The following TGFA variants were observed in gnomAD, a reference collection of about 807,000 sequenced individuals.
The protein encoded by TGFA is protransforming growth factor alpha.
TGFA carries 12 observed loss-of-function variants against 21.7 expected under a neutral mutation model. That is an observed-to-expected ratio of 0.55 (90% CI 0.35 to 0.90). TGFA has a LOEUF of 0.90. Among genes scored for constraint, TGFA ranks in the 40% least tolerant of loss-of-function variants. The probability of loss-of-function intolerance (pLI) is 0.01; values close to 1 mark genes in which losing one functional copy is unlikely to be tolerated. For missense variants in TGFA, 178 were observed against 210.8 expected, an observed-to-expected ratio of 0.84 and a Z score of 0.96; for synonymous variants, 79 against 88.1, an observed-to-expected ratio of 0.90 and a Z score of 0.58.
chr2:70,504,433 A>AAAATAT (rs1256159851), intron 2 of TGFA, among the ~76,000 whole-genome samples: 1 of 62,444 alleles, frequency 1.6e-5, no homozygotes, highest in Non-Finnish European at 3.2e-5. Context: ...AAACAAAACA[A>AAAATAT]ATATATATAT....
chr2:70,511,311 T>C (rs1672092638), intron 2 of TGFA, among the ~76,000 whole-genome samples: 1 of 152,228 alleles, frequency 6.6e-6, no homozygotes, highest in South Asian at 2.1e-4. Flanking sequence ...TGGGGATGGT[T>C]TCACACCATT....
At chr2:70,519,628 A>T (rs1672388963) in intron 1 of TGFA, among the ~76,000 whole-genome samples, 2 of 152,250 alleles carry the variant, frequency 1.3e-5, no homozygotes, top group African/African-American at 4.8e-5. Context: ...AAAAGTAGCC[A>T]TGTGGCATCT....
intron 3 of TGFA, 41 bp from the exon 4 acceptor site, chr2:70,456,529 G>A (rs1282674929): frequency 1.3e-6 from 2 of 1,563,994 alleles, no homozygotes; most frequent in African/African-American, 1.4e-5. Flanking sequence ...CCTGACAAAA[G>A]GTCTTGTTAC....
At position 70,505,375 on chromosome 2, in the gene TGFA, T is replaced by G. The variant is rs965557254; in HGVS notation, c.94+9484A>C. ...ATTTGGTCAGGGGTGCATCTAGGTT[T>G]CTAGAGCCTGTCACTGTGCTGGGCT... On this transcript the variant is annotated intron_variant, in intron 2 of 5. Transcript: ENST00000295400. Among the ~76,000 whole-genome samples, 3 of 152,312 alleles carry G rather than the reference T, an allele frequency of 2.0e-5. No individual in the cohort carries two copies. The East Asian group carries it at 5.8e-4, about 29-fold the overall frequency.
chr2:70,522,583 G>A (rs1432622850), intron 1 of TGFA, among the ~76,000 whole-genome samples: 1 of 152,090 alleles, frequency 6.6e-6, no homozygotes, highest in African/African-American at 2.4e-5. Flanking sequence ...ACAGGTGTGT[G>A]TCATCACACC....
At chr2:70,462,660 T>C (rs1670439435) in intron 3 of TGFA, among the ~76,000 whole-genome samples, 1 of 152,184 alleles carries the variant, frequency 6.6e-6, no homozygotes, top group South Asian at 2.1e-4. Flanking sequence ...GAAATCTCCC[T>C]TCTAAAATGC....
intron 2 of TGFA, among the ~76,000 whole-genome samples, chr2:70,479,236 G>A (rs572596228): frequency 6.6e-5 from 10 of 152,108 alleles, no homozygotes; most frequent in Admixed American, 6.6e-4. Flanking sequence ...TCCAGGAAGG[G>A]CATGTGAAAA....
intron 1 of TGFA, among the ~76,000 whole-genome samples, chr2:70,535,696 G>A (rs782143319): frequency 6.6e-6 from 1 of 152,198 alleles, no homozygotes; most frequent in Non-Finnish European, 1.5e-5. Context: ...ATCCAATTTA[G>A]TTGAAAGGAC....
At chr2:70,524,510 CT>C (rs1553502728) in intron 1 of TGFA, among the ~76,000 whole-genome samples, 6 of 152,256 alleles carry the variant, frequency 3.9e-5, no homozygotes, top group Non-Finnish European at 7.3e-5. Context: ...GCCGAGCCCT[CT>C]CGGGCTGGCT....
chr2:70,530,453 T>A (rs933451617), intron 1 of TGFA, among the ~76,000 whole-genome samples: 2 of 152,170 alleles, frequency 1.3e-5, no homozygotes, highest in African/African-American at 4.8e-5. Context: ...AGAAGAAGAA[T>A]AAGAACACAC....
intron 1 of TGFA, among the ~76,000 whole-genome samples, chr2:70,547,885 A>G (rs1673365543): frequency 6.7e-6 from 1 of 148,960 alleles, no homozygotes; most frequent in South Asian, 2.1e-4. Context: ...ATATCTATAG[A>G]TAGATAGTAT....
At chr2:70,476,523 G>C (rs998296341) in intron 2 of TGFA, among the ~76,000 whole-genome samples, 1 of 152,180 alleles carries the variant, frequency 6.6e-6, no homozygotes, top group Non-Finnish European at 1.5e-5. Flanking sequence ...GTTAGGTAAA[G>C]TGGTTGGCAG....
Position 70,450,728 on chromosome 2 carries a change from T to C in TGFA, c.*131A>G. The C allele has an allele frequency of 9.9e-7, 1 of 1,011,720 alleles. No homozygotes were observed. The highest frequency in any genetic ancestry group is 1.5e-6 in the Non-Finnish European group (1 of 662,778). The allele number at this position is 1,011,720 out of a possible 1,614,324, so 62.7% of individuals were successfully genotyped here. Reference sequence around the variant, plus strand: ...AGAGTTTTGAAGGCCCACAAAAGGCTGCACAGGTGATTACAGGCCAAGTAG... The same window carrying C: ...AGAGTTTTGAAGGCCCACAAAAGGCCGCACAGGTGATTACAGGCCAAGTAG... On this transcript the variant is annotated 3_prime_UTR_variant, in exon 6 of 6. Coordinates refer to ENST00000295400, the MANE Select transcript of TGFA (RefSeq NM_003236.4).
At chr2:70,486,147 A>T (rs1671265806) in intron 2 of TGFA, among the ~76,000 whole-genome samples, 1 of 152,058 alleles carries the variant, frequency 6.6e-6, no homozygotes, top group African/African-American at 2.4e-5. Flanking sequence ...CACTTGTGAC[A>T]CTCTTCTTGC....
chr2:70,546,964 G>A (rs1673323949), intron 1 of TGFA, among the ~76,000 whole-genome samples: 1 of 152,102 alleles, frequency 6.6e-6, no homozygotes, highest in Non-Finnish European at 1.5e-5. Flanking sequence ...ATAGCAGTGT[G>A]GTACTAGCAA....
chr2:70,478,736 C>A (rs146235831), intron 2 of TGFA, among the ~76,000 whole-genome samples: 178 of 152,310 alleles, frequency 1.2e-3, no homozygotes, highest in African/African-American at 4.0e-3. Context: ...TGTCTTATCA[C>A]TGAGAAGAAA....
chr2:70,492,533 C>T (rs1339872976), intron 2 of TGFA, among the ~76,000 whole-genome samples: 2 of 152,200 alleles, frequency 1.3e-5, no homozygotes, highest in African/African-American at 4.8e-5. Flanking sequence ...AGTGACTTGT[C>T]TAAGGATGCT....
At chr2:70,530,823 C>T (rs1179267748) in intron 1 of TGFA, among the ~76,000 whole-genome samples, 1 of 152,238 alleles carries the variant, frequency 6.6e-6, no homozygotes, top group African/African-American at 2.4e-5. Flanking sequence ...CCAAAGCAAA[C>T]AGGCTCGGTG....
At chr2:70,551,508 C>T (rs1673508479) in intron 1 of TGFA, among the ~76,000 whole-genome samples, 1 of 152,208 alleles carries the variant, frequency 6.6e-6, no homozygotes, top group African/African-American at 2.4e-5. Context: ...AGCGATGGAA[C>T]ACTGGTTGAT....
Sources: gnomAD v4.1 joint callset for allele counts (sites outside exome capture counted in the v4.1 genomes callset) on GRCh38, gnomAD v4.1.1 for gene constraint, MANE v1.5 for transcripts, NCBI Gene and HGNC (gene_info 2026-07-23, HGNC 2026-07-21) for gene names.